ARSB: variants seen among roughly 807,000 people sequenced by gnomAD.
The protein encoded by ARSB is arylsulfatase B, also known as N-acetylgalactosamine-4-sulfatase.
Under a neutral mutation model 50.9 loss-of-function variants are expected in ARSB, and 41 were observed. The ratio of observed to expected loss-of-function variants is 0.81; its 90% confidence interval spans 0.63 to 1.04. The LOEUF is 1.04. Ranked by LOEUF, ARSB falls within the 50% of genes least tolerant of loss-of-function variation. The probability of loss-of-function intolerance (pLI) is 0.00; values close to 1 mark genes in which losing one functional copy is unlikely to be tolerated. For synonymous variants in ARSB, 269 were observed against 284.8 expected, an observed-to-expected ratio of 0.94 and a Z score of 0.56; for missense variants, 672 against 693.3, an observed-to-expected ratio of 0.97 and a Z score of 0.35.
intron 4 of ARSB, among the ~76,000 whole-genome samples, chr5:78,944,440 T>G (rs913006283): frequency 1.3e-5 from 2 of 152,200 alleles, no homozygotes; most frequent in African/African-American, 4.8e-5. Context: ...TGATGGTGAT[T>G]TACAGATGGG....
intron 5 of ARSB, among the ~76,000 whole-genome samples, chr5:78,871,779 C>G (rs1156798478): frequency 3.7e-5 from 5 of 136,158 alleles, no homozygotes; most frequent in African/African-American, 1.3e-4. Flanking sequence ...GTCCAAAACA[C>G]CAAAAGCAAT....
chr5:78,978,693 A>G (rs1298411562), intron 1 of ARSB, among the ~76,000 whole-genome samples: 2 of 152,228 alleles, frequency 1.3e-5, no homozygotes, highest in Non-Finnish European at 2.9e-5. Flanking sequence ...ATTGTAAGTC[A>G]TACGTCTATG....
At chr5:78,960,846 G>A (rs1352447583) in intron 3 of ARSB, among the ~76,000 whole-genome samples, 1 of 152,054 alleles carries the variant, frequency 6.6e-6, no homozygotes, top group Non-Finnish European at 1.5e-5. Flanking sequence ...TACAGGTGTG[G>A]GCCAGTGCAC....
chr5:78,863,827 T>C (rs543901468), intron 5 of ARSB, among the ~76,000 whole-genome samples: 1 of 152,200 alleles, frequency 6.6e-6, no homozygotes, highest in Admixed American at 6.5e-5. Context: ...GTTCCTATCA[T>C]CTTTATTTCA....
In ARSB at chr5:78,932,395, C is replaced by A. The variant is rs952002649; in HGVS notation, c.898+22900G>T. 3.9e-5 allele frequency among the ~76,000 whole-genome samples: 6 copies of A among 152,358 alleles called. No individual in the cohort carries two copies. The East Asian group carries it at 9.6e-4, about 24-fold the overall frequency. On this transcript the variant is annotated intron_variant, in intron 4 of 7. Coordinates refer to ENST00000264914, the MANE Select transcript of ARSB (RefSeq NM_000046.5). Reference sequence around the variant, plus strand: ...TAAGAGACAAGGCTAAGTCTCCATTCTAACATAAGTGGTTGCACTTAGCCT... The same window carrying A: ...TAAGAGACAAGGCTAAGTCTCCATTATAACATAAGTGGTTGCACTTAGCCT...
At chr5:78,917,647 G>A (rs999558196) in intron 4 of ARSB, among the ~76,000 whole-genome samples, 8 of 152,062 alleles carry the variant, frequency 5.3e-5, no homozygotes, top group African/African-American at 9.7e-5. Flanking sequence ...AGAGTAGCTC[G>A]GATTACAGTT....
intron 4 of ARSB, among the ~76,000 whole-genome samples, chr5:78,948,809 A>G (rs1751368636): frequency 3.3e-5 from 5 of 152,194 alleles, no homozygotes; most frequent in Admixed American, 2.6e-4. Context: ...CATTCCTTGT[A>G]AGGTAAATTC....
At chr5:78,854,684 G>T (rs80135771) in intron 5 of ARSB, among the ~76,000 whole-genome samples, 19,141 of 152,214 alleles carry the variant, frequency 0.13, 1,411 homozygotes, top group Middle Eastern at 0.21. Flanking sequence ...TTTTACACTT[G>T]TGTGTGTTTT....
intron 4 of ARSB, among the ~76,000 whole-genome samples, chr5:78,944,776 G>T (rs1341926232): frequency 6.6e-6 from 1 of 152,198 alleles, no homozygotes; most frequent in African/African-American, 2.4e-5. Flanking sequence ...CAAGCTGCGT[G>T]CTGGGAGAAC....
At chr5:78,908,627 G>A (rs1267348227) in intron 4 of ARSB, among the ~76,000 whole-genome samples, 2 of 152,154 alleles carry the variant, frequency 1.3e-5, no homozygotes, top group African/African-American at 4.8e-5. Context: ...TGGCTTGAGT[G>A]TCAGGGCCAC....
At chr5:78,882,875 C>G (rs1747827181) in intron 5 of ARSB, 2 of 144,436 alleles carry the variant, frequency 1.4e-5, no homozygotes, top group South Asian at 4.4e-4. Context: ...CCTCCATCTC[C>G]TGGGTTCAAG....
intron 5 of ARSB, among the ~76,000 whole-genome samples, chr5:78,863,627 G>C (rs1561467784): frequency 6.8e-6 from 1 of 146,852 alleles, no homozygotes; most frequent in African/African-American, 2.5e-5. Flanking sequence ...GGTGGGGGTA[G>C]GGATGGCATT....
intron 5 of ARSB, among the ~76,000 whole-genome samples, chr5:78,859,928 T>C (rs1394063373): frequency 2.0e-5 from 3 of 152,154 alleles, no homozygotes; most frequent in Non-Finnish European, 4.4e-5. Context: ...GAACACTCCA[T>C]ACTGTGAGTG....
chr5:78,881,431 A>G (rs1350306083), intron 5 of ARSB, among the ~76,000 whole-genome samples: 1 of 152,176 alleles, frequency 6.6e-6, no homozygotes, highest in Non-Finnish European at 1.5e-5. Flanking sequence ...ACAAAAAAAA[A>G]GGAAAAATAT....
chr5:78,908,287 T>C (rs1749156049), intron 4 of ARSB, among the ~76,000 whole-genome samples: 1 of 152,106 alleles, frequency 6.6e-6, no homozygotes, highest in Non-Finnish European at 1.5e-5. Context: ...TCCCCCGACT[T>C]CCACTCTCCT....
chr5:78,960,020 C>G, intron 3 of ARSB, among the ~76,000 whole-genome samples: 1 of 152,174 alleles, frequency 6.6e-6, no homozygotes, highest in Admixed American at 6.5e-5. Context: ...TGATCTCTCC[C>G]CTGCTTTTTC....
At chr5:78,866,547 T>C (rs530175816) in intron 5 of ARSB, among the ~76,000 whole-genome samples, 5 of 152,082 alleles carry the variant, frequency 3.3e-5, no homozygotes, top group Non-Finnish European at 7.4e-5. Context: ...AAAATGTTGA[T>C]AGAGGTCTCA....
intron 6 of ARSB, among the ~76,000 whole-genome samples, chr5:78,794,003 T>G (rs1243146584): frequency 6.6e-6 from 1 of 152,164 alleles, no homozygotes; most frequent in African/African-American, 2.4e-5. Context: ...ACGTAGTACA[T>G]TCTGTAGAGC....
In ARSB at chr5:78,957,111, T is replaced by C. The variant is rs542003410; in HGVS notation, c.691-1609A>G. 3.7e-4 allele frequency among the ~76,000 whole-genome samples: 56 copies of C among 152,362 alleles called. 1 individual carries two copies. Among genetic ancestry groups the C allele is most frequent in the African/African-American group, 1.3e-3 (55 of 41,590 alleles). ...TACCAGGTCAGCTTCTCCTTTTTAA[T>C]GAGCCTTTCTGAAGGCATTCTCTTC... is the stretch of plus-strand genomic sequence containing the variant. On this transcript the variant is annotated intron_variant, in intron 3 of 7. Transcript: ENST00000264914.
Sources: gnomAD v4.1 joint callset for allele counts (sites outside exome capture counted in the v4.1 genomes callset) on GRCh38, gnomAD v4.1.1 for gene constraint, MANE v1.5 for transcripts, NCBI Gene and HGNC (gene_info 2026-07-23, HGNC 2026-07-21) for gene names.